Variants in UBAC2 observed in about 807,000 individuals in gnomAD.
UBAC2 encodes the protein UBA domain containing 2.
In UBAC2, 26 loss-of-function variants were observed where a neutral mutation model predicts 44.0. The observed-to-expected ratio is 0.59, with a 90% CI of 0.43 to 0.82. UBAC2 has a LOEUF of 0.82. Ranked by LOEUF, UBAC2 falls within the 40% of genes least tolerant of loss-of-function variation. The probability of loss-of-function intolerance (pLI) is 0.00; values close to 1 mark genes in which losing one functional copy is unlikely to be tolerated. For missense variants in UBAC2, 329 were observed against 419.4 expected, an observed-to-expected ratio of 0.78 and a Z score of 1.88; for synonymous variants, 155 against 154.3, an observed-to-expected ratio of 1.00 and a Z score of -0.04.
intron 7 of UBAC2, among the ~76,000 whole-genome samples, chr13:99,363,382 A>G (rs2045290918): frequency 6.6e-6 from 1 of 152,246 alleles, no homozygotes; most frequent in African/African-American, 2.4e-5. Context: ...AATTTTGAGT[A>G]TATAGCAGTT....
intron 4 of UBAC2, among the ~76,000 whole-genome samples, chr13:99,248,499 C>T (rs1207769324): frequency 6.6e-6 from 1 of 150,844 alleles, no homozygotes; most frequent in Non-Finnish European, 1.5e-5. Context: ...TCAAGCGATT[C>T]TTCTGCCTTA....
At chr13:99,335,918 G>GC (rs2044782538) in intron 6 of UBAC2, among the ~76,000 whole-genome samples, 1 of 151,952 alleles carries the variant, frequency 6.6e-6, no homozygotes, top group Non-Finnish European at 1.5e-5. Context: ...ACTTAGGGAG[G>GC]CAGAGGCAGG....
intron 4 of UBAC2, among the ~76,000 whole-genome samples, chr13:99,292,979 C>G (rs1199560279): frequency 6.6e-6 from 1 of 152,116 alleles, no homozygotes; most frequent in African/African-American, 2.4e-5. Flanking sequence ...AAATGTAAAG[C>G]TAACTAATAA....
At chr13:99,367,719 G>C in intron 7 of UBAC2, 68 bp from the exon 8 acceptor site, 1 of 1,602,010 alleles carries the variant, frequency 6.2e-7, no homozygotes, top group Non-Finnish European at 8.5e-7. Flanking sequence ...TTGAGAGAAA[G>C]CTCTTCCAAG....
chr13:99,365,503 T>C (rs1474535252), intron 7 of UBAC2, among the ~76,000 whole-genome samples: 1 of 152,162 alleles, frequency 6.6e-6, no homozygotes, highest in African/African-American at 2.4e-5. Flanking sequence ...GTTTTATTCA[T>C]TCTTAGCTAT....
At chr13:99,350,078 G>A (rs1474459622) in intron 7 of UBAC2, among the ~76,000 whole-genome samples, 2 of 152,094 alleles carry the variant, frequency 1.3e-5, no homozygotes, top group East Asian at 3.8e-4. Flanking sequence ...CCCTATGCCC[G>A]CCGGTTATTC....
At chr13:99,347,836 T>G (rs1378835322) in intron 7 of UBAC2, among the ~76,000 whole-genome samples, 1 of 151,684 alleles carries the variant, frequency 6.6e-6, no homozygotes, top group Admixed American at 6.6e-5. Flanking sequence ...CTTTGGAGGC[T>G]TGTCTCATGG....
chr13:99,201,078 C>A, intron 1 of UBAC2, 139 bp downstream of exon 1: 2 of 1,339,944 alleles, frequency 1.5e-6, no homozygotes, highest in Non-Finnish European at 1.9e-6. Context: ...CCGAACCCTG[C>A]TAGTTCCCGG....
chr13:99,256,138 TACTC>T (rs1031812932), intron 4 of UBAC2, among the ~76,000 whole-genome samples: 7 of 152,200 alleles, frequency 4.6e-5, no homozygotes, highest in African/African-American at 1.2e-4. Flanking sequence ...ATGTAATAGG[TACTC>T]AATAAATAAA....
At chr13:99,365,725 A>G (rs964623176) in intron 7 of UBAC2, among the ~76,000 whole-genome samples, 4 of 152,200 alleles carry the variant, frequency 2.6e-5, no homozygotes, top group African/African-American at 9.7e-5. Context: ...AAAAGAATGT[A>G]TATTCTCTAA....
rs869112086 is a variant in UBAC2, at chr13:99,338,047, C to CTTTTTTTTTTTTTTTTTTTTTTTTTTT, written c.562-2271_562-2245dup. Reference sequence around the variant, plus strand: ...ATCTCCTAACTTTTTTTCTTTTTTTCTTTTTTTTTTTTTTTTTTTTTTTTT... The same window carrying CTTTTTTTTTTTTTTTTTTTTTTTTTTT: ...ATCTCCTAACTTTTTTTCTTTTTTTCTTTTTTTTTTTTTTTTTTTTTTTTTTTTTTTTTTTTTTTTTTTTTTTTTTTT... On this transcript the variant is annotated intron_variant, in intron 6 of 8. Transcript: ENST00000403766. 5.3e-4 allele frequency among the ~76,000 whole-genome samples: 26 copies of CTTTTTTTTTTTTTTTTTTTTTTTTTTT among 48,862 alleles called. 2 individuals are homozygous for CTTTTTTTTTTTTTTTTTTTTTTTTTTT. The highest frequency in any genetic ancestry group is 1.8e-3 in the East Asian group (3 of 1,656). The allele number at this position is 48,862 out of a possible 152,430, so 32.1% of individuals were successfully genotyped here.
chr13:99,370,134 A>G lies in UBAC2; in HGVS notation c.927+2228A>G, dbSNP rs140288301. ...TTTACATTTCCAGGACTTGGTACATACCGACCGTGGTTAGGAAAGAGAATA... is the reference window on the plus strand; with the variant it reads ...TTTACATTTCCAGGACTTGGTACATGCCGACCGTGGTTAGGAAAGAGAATA... On this transcript the variant is annotated intron_variant, in intron 8 of 8. Transcript: ENST00000403766. Among the ~76,000 whole-genome samples the G allele has an allele frequency of 8.1e-3, 1,241 of 152,330 alleles. 11 individuals carry two copies. The highest frequency in any genetic ancestry group is 0.056 in the South Asian group (268 of 4,822).
At chr13:99,266,450 A>G (rs928092047) in intron 4 of UBAC2, among the ~76,000 whole-genome samples, 10 of 152,190 alleles carry the variant, frequency 6.6e-5, no homozygotes, top group Admixed American at 1.3e-4. Context: ...TCCTGGGCCC[A>G]TGTGGCCCAT....
At chr13:99,201,205 T>C (rs1222078243) in intron 1 of UBAC2, 6 of 1,425,660 alleles carry the variant, frequency 4.2e-6, no homozygotes, top group Non-Finnish European at 5.5e-6. Context: ...CAGGAGTCTC[T>C]TGGGGCCGCT....
At chr13:99,233,785 T>C (rs1319786957) in intron 1 of UBAC2, among the ~76,000 whole-genome samples, 1 of 152,076 alleles carries the variant, frequency 6.6e-6, no homozygotes, top group African/African-American at 2.4e-5. Context: ...TAAGTCTTAA[T>C]TGTAAACTTT....
chr13:99,206,387 G>A (rs1388244538), intron 1 of UBAC2, among the ~76,000 whole-genome samples: 1 of 152,228 alleles, frequency 6.6e-6, no homozygotes, highest in Non-Finnish European at 1.5e-5. Context: ...GGCTTCTGTA[G>A]GAGGAGTTGC....
At chr13:99,316,886 G>A (rs983077527) in intron 5 of UBAC2, among the ~76,000 whole-genome samples, 4 of 152,194 alleles carry the variant, frequency 2.6e-5, no homozygotes, top group Non-Finnish European at 5.9e-5. Context: ...TGCCTTGAGA[G>A]CAATGCCTGA....
intron 2 of UBAC2, among the ~76,000 whole-genome samples, chr13:99,242,536 C>A (rs1273219243): frequency 3.0e-5 from 4 of 134,800 alleles, no homozygotes; most frequent in African/African-American, 1.1e-4. Context: ...CCGGACGGGG[C>A]GGCTGTCCGG....
intron 7 of UBAC2, among the ~76,000 whole-genome samples, chr13:99,347,311 C>G (rs923495546): frequency 1.4e-5 from 1 of 73,186 alleles, no homozygotes; most frequent in African/African-American, 4.4e-5. Flanking sequence ...ACGTTACTAT[C>G]CCCGGGCGCC....
Sources: allele counts gnomAD v4.1 joint callset (sites outside exome capture counted in the v4.1 genomes callset), GRCh38; gene constraint gnomAD v4.1.1; transcripts MANE v1.5; gene names NCBI Gene and HGNC (gene_info 2026-07-23, HGNC 2026-07-21).